HLCS: variants seen among roughly 807,000 people sequenced by gnomAD.
HLCS encodes biotin--protein ligase.
In HLCS, 53 loss-of-function variants were observed where a neutral mutation model predicts 75.0. That is an observed-to-expected ratio of 0.71 (90% CI 0.57 to 0.89). The LOEUF (loss-of-function observed/expected upper bound fraction) is 0.89, where lower values mean the gene tolerates loss of function less well. Among genes scored for constraint, HLCS ranks in the 40% least tolerant of loss-of-function variants. The pLI is 0.00. For synonymous variants in HLCS, 431 were observed against 428.6 expected (o/e 1.01, Z -0.07); for missense variants, 966 against 1,074.0 (o/e 0.90, Z 1.41).
At chr21:36,803,288 G>A (rs983141610) in intron 6 of HLCS, among the ~76,000 whole-genome samples, 1 of 152,192 alleles carries the variant, frequency 6.6e-6, no homozygotes, top group Non-Finnish European at 1.5e-5. Flanking sequence ...CAGCAGGGAG[G>A]ACAAAACGTC....
chr21:36,946,052 T>C, intron 2 of HLCS: 1 of 954,696 alleles, frequency 1.0e-6, no homozygotes, highest in Non-Finnish European at 1.2e-6. Flanking sequence ...ATCCATAAAG[T>C]GCCTGGGCCA....
intron 6 of HLCS, among the ~76,000 whole-genome samples, chr21:36,861,186 T>C (rs1030220652): frequency 6.6e-6 from 1 of 152,062 alleles, no homozygotes; most frequent in African/African-American, 2.4e-5. Flanking sequence ...GCGGTGTCTC[T>C]ACAGCCCAAA....
At chr21:36,789,195 C>G (rs538960720) in intron 6 of HLCS, among the ~76,000 whole-genome samples, 10 of 152,284 alleles carry the variant, frequency 6.6e-5, no homozygotes, top group African/African-American at 2.4e-4. Flanking sequence ...ACTGGGACCA[C>G]AGGTGTGTGC....
chr21:36,812,987 A>G (rs575792549), intron 6 of HLCS, among the ~76,000 whole-genome samples: 5 of 152,300 alleles, frequency 3.3e-5, no homozygotes, highest in African/African-American at 9.6e-5. Flanking sequence ...TGAGCCTAGG[A>G]GTTCAAGGTT....
chr21:36,966,247 G>A lies in HLCS; in HGVS notation c.195+197C>T, dbSNP rs537777376. ...CCGGCTGGCCGGGAAGAGGCGACCG[G>A]GTCCGTGGTCCGAGTCCCGCACCTC... On this transcript the variant is annotated intron_variant, in intron 1 of 10. Transcript: ENST00000674895. Among the ~76,000 whole-genome samples the A allele has an allele frequency of 5.3e-5, 8 of 152,270 alleles. No individual in the cohort carries two copies. In the South Asian group the frequency reaches 1.7e-3, roughly 32 times the overall value.
chr21:36,947,365 C>A (rs547624227), intron 2 of HLCS: 25 of 985,334 alleles, frequency 2.5e-5, no homozygotes, highest in Non-Finnish European at 2.9e-5. Flanking sequence ...GGAGCGTGGT[C>A]CATGAGCCAT....
chr21:36,956,654 C>T (rs998430685), intron 2 of HLCS, among the ~76,000 whole-genome samples: 12 of 151,928 alleles, frequency 7.9e-5, no homozygotes, highest in East Asian at 3.9e-4. Context: ...GGCATGAACC[C>T]GGGAGGCAGG....
At chr21:36,906,215 A>T (rs2065448279) in intron 5 of HLCS, among the ~76,000 whole-genome samples, 1 of 152,176 alleles carries the variant, frequency 6.6e-6, no homozygotes, top group Admixed American at 6.5e-5. Flanking sequence ...ACTGAAAACT[A>T]CAAAACACTC....
At chr21:36,980,194 T>C (rs1356999005) in intron 1 of HLCS, among the ~76,000 whole-genome samples, 8 of 103,960 alleles carry the variant, frequency 7.7e-5, no homozygotes, top group Non-Finnish European at 2.1e-5. Context: ...CCTGACTATA[T>C]TTAAAAAAAA....
rs535103774 is a variant in HLCS, at chr21:36,888,883, C to T, written c.1892+7977G>A. On this transcript the variant is annotated intron_variant, in intron 6 of 10. Coordinates refer to ENST00000674895, the MANE Select transcript of HLCS (RefSeq NM_001352514.2). ...CTACAGCATCAGAAACAAGGCCCAA[C>T]ACACAGTAACTGCAAAAACAAAAAC... Among the ~76,000 whole-genome samples the T allele has an allele frequency of 1.2e-4, 19 of 152,206 alleles. No homozygotes were observed. The Middle Eastern group carries it at 0.01, about 82-fold the overall frequency.
At chr21:36,781,736 A>G (rs1467487284) in intron 6 of HLCS, among the ~76,000 whole-genome samples, 1 of 152,144 alleles carries the variant, frequency 6.6e-6, no homozygotes, top group Non-Finnish European at 1.5e-5. Flanking sequence ...TAATACCTTT[A>G]GTACAATGCC....
intron 6 of HLCS, among the ~76,000 whole-genome samples, chr21:36,767,653 G>A (rs2090088300): frequency 6.6e-6 from 1 of 151,642 alleles, no homozygotes; most frequent in African/African-American, 2.4e-5. Flanking sequence ...CCTTCTTCAA[G>A]TGACAACTAG....
At chr21:36,970,265 C>G (rs1264729666), upstream of HLCS, among the ~76,000 whole-genome samples, 1 of 152,170 alleles carries the variant, frequency 6.6e-6, no homozygotes, top group Admixed American at 6.5e-5. Flanking sequence ...CAGGGTCTTG[C>G]TATGTCACCC....
rs148868421 is a variant in HLCS at position 36,754,403 on chromosome 21, T to C, written c.2465A>G (p.His822Arg). 91 of 1,612,798 alleles carry C rather than the reference T, an allele frequency of 5.6e-5. 1 individual carries two copies. The African/African-American group carries it at 7.7e-4, about 14-fold the overall frequency. Residue 822 changes from histidine to arginine, a missense_variant, in exon 11 of 11, where the codon CAT becomes CGT. His to Arg is a conservative substitution (Grantham distance 29). Coordinates refer to ENST00000674895, the MANE Select transcript of HLCS (RefSeq NM_001352514.2). ...RYWVHSGQQV[H>R]LGSAEGPKVS... ...CTTTGGTCCCTCTGCGCTGCCCAGA[T>C]GGACTTGCTGACCACTGAAAAGGAA...
upstream of HLCS, among the ~76,000 whole-genome samples, chr21:36,968,197 C>T (rs945772057): frequency 2.0e-5 from 3 of 152,084 alleles, no homozygotes; most frequent in African/African-American, 7.2e-5. Flanking sequence ...CTGTGTCGCC[C>T]AGGCTGGTCT....
intron 1 of HLCS, among the ~76,000 whole-genome samples, chr21:36,989,046 ATTTT>A (rs200491229): frequency 7.0e-6 from 1 of 142,586 alleles, no homozygotes; most frequent in African/African-American, 2.5e-5. Context: ...TTATTTATTT[ATTTT>A]TTTTGAGACA....
chr21:36,874,424 T>G (rs1185556827), intron 6 of HLCS, among the ~76,000 whole-genome samples: 1 of 151,428 alleles, frequency 6.6e-6, no homozygotes, highest in African/African-American at 2.4e-5. Flanking sequence ...TAAAATAAAA[T>G]AAAATAAAAT....
intron 1 of HLCS, among the ~76,000 whole-genome samples, chr21:36,982,729 T>A (rs1292272432): frequency 1.3e-5 from 2 of 152,108 alleles, no homozygotes; most frequent in Non-Finnish European, 1.5e-5. Flanking sequence ...AGGGGTGTCA[T>A]TAACTTAAAA....
intron 5 of HLCS, among the ~76,000 whole-genome samples, chr21:36,898,410 C>T (rs1210711911): frequency 1.5e-5 from 2 of 132,482 alleles, no homozygotes; most frequent in African/African-American, 3.0e-5. Context: ...CACTCCACTG[C>T]ACTCCAGCCT....
Sources: allele counts gnomAD v4.1 joint callset (sites outside exome capture counted in the v4.1 genomes callset), GRCh38; gene constraint gnomAD v4.1.1; transcripts MANE v1.5; gene names NCBI Gene and HGNC (gene_info 2026-07-23, HGNC 2026-07-21).